The following CAB39 variants were observed in gnomAD, a reference collection of about 807,000 sequenced individuals.
CAB39 encodes the protein calcium binding protein 39, also known as calcium-binding protein 39.
CAB39 carries 8 observed loss-of-function variants against 40.0 expected under a neutral mutation model. The ratio of observed to expected loss-of-function variants is 0.20; its 90% confidence interval spans 0.12 to 0.36. The LOEUF (loss-of-function observed/expected upper bound fraction) is 0.36, where lower values mean the gene tolerates loss of function less well. Among genes scored for constraint, CAB39 ranks in the 10% least tolerant of loss-of-function variants. The probability of loss-of-function intolerance (pLI) is 1.00; values close to 1 mark genes in which losing one functional copy is unlikely to be tolerated. For synonymous variants in CAB39, 156 were observed against 141.6 expected, an observed-to-expected ratio of 1.10 and a Z score of -0.72; for missense variants, 270 against 401.1, an observed-to-expected ratio of 0.67 and a Z score of 2.79.
intron 1 of CAB39, among the ~76,000 whole-genome samples, chr2:230,721,463 A>G (rs912446981): frequency 1.3e-5 from 2 of 152,258 alleles, no homozygotes; most frequent in African/African-American, 2.4e-5. Context: ...CTTGCTTAAC[A>G]GAGATGAAAT....
At chr2:230,778,823 G>A (rs1312046986) in intron 2 of CAB39, among the ~76,000 whole-genome samples, 5 of 152,106 alleles carry the variant, frequency 3.3e-5, no homozygotes, top group Admixed American at 6.6e-5. Context: ...TTACTATAGC[G>A]AATACTGTAG....
intron 1 of CAB39, among the ~76,000 whole-genome samples, chr2:230,737,906 T>C (rs1694814586): frequency 6.6e-6 from 1 of 152,216 alleles, no homozygotes; most frequent in Non-Finnish European, 1.5e-5. Flanking sequence ...GGAATGTTCT[T>C]TGAGCAATAA....
Position 230,724,743 on chromosome 2 carries a change from C to T in CAB39, c.-44+11513C>T, listed in dbSNP as rs538264522. Among the ~76,000 whole-genome samples, 763 of 143,182 alleles carry T rather than the reference C, an allele frequency of 5.3e-3. 11 individuals carry two copies. Among genetic ancestry groups the T allele is most frequent in the African/African-American group, 0.019 (719 of 38,056 alleles). The allele number at this position is 143,182 out of a possible 152,430, so 93.9% of individuals were successfully genotyped here. A position where few individuals can be genotyped will look rare whatever the true frequency, so the allele number is the denominator to read the frequency against. On this transcript the variant is annotated intron_variant, in intron 1 of 8. Coordinates refer to ENST00000258418, the MANE Select transcript of CAB39 (RefSeq NM_016289.4). The stretch of plus-strand genomic sequence containing the variant: ...AAAAACCTCTATGAGTAGTTTACCT[C>T]GTTTAATCTTTTTTTTTTTTTTTTT...
At chr2:230,781,383 T>C (rs1217294584) in intron 2 of CAB39, among the ~76,000 whole-genome samples, 1 of 152,160 alleles carries the variant, frequency 6.6e-6, no homozygotes, top group Non-Finnish European at 1.5e-5. Flanking sequence ...CTGAGCTGCT[T>C]TGAAGTCGAA....
chr2:230,798,731 A>G lies in CAB39; in HGVS notation c.401A>G (p.Tyr134Cys), dbSNP rs1420121373. 3 of 1,581,686 alleles carry G rather than the reference A, an allele frequency of 1.9e-6. No individual in the cohort carries two copies. Among genetic ancestry groups the G allele is most frequent in the Non-Finnish European group, 1.7e-6 (2 of 1,161,074 alleles). ...QNILFMLLKG[Y>C]ESPEIALNCG... is the part of the protein sequence containing the mutation. Reference sequence around the variant, plus strand: ...TGTTTGGTTTTTTGTTTTTGCAGGTATGAATCTCCAGAAATAGCTCTAAAT... The same window carrying G: ...TGTTTGGTTTTTTGTTTTTGCAGGTGTGAATCTCCAGAAATAGCTCTAAAT... The change falls in exon 5 of 9, where the codon TAT becomes TGT. Residue 134 changes from tyrosine to cysteine, a missense_variant and splice_region_variant. Coordinates refer to ENST00000258418, the MANE Select transcript of CAB39 (RefSeq NM_016289.4).
intron 1 of CAB39, among the ~76,000 whole-genome samples, chr2:230,722,700 T>C (rs1322720740): frequency 1.3e-5 from 2 of 152,246 alleles, no homozygotes; most frequent in African/African-American, 4.8e-5. Flanking sequence ...AAGTGTCCAA[T>C]ACATTTTAGC....
chr2:230,760,046 T>G lies in CAB39; in HGVS notation c.45T>G (p.Ile15Met). ...AGTCTCACAAATCTCCAGCAGACAT[T>G]GTGAAGAATCTGAAGGAGAGCATGG... ...FGKSHKSPAD[I>M]VKNLKESMAV... The change falls in exon 2 of 9, where the codon ATT becomes ATG. Residue 15 changes from isoleucine (I) to methionine (M), a missense_variant. By Grantham distance (10) the Ile-to-Met change is conservative. Transcript: ENST00000258418. The G allele has an allele frequency of 6.2e-7, 1 of 1,613,902 alleles. No individual in the cohort carries two copies. Among genetic ancestry groups the G allele is most frequent in the Non-Finnish European group, 8.5e-7 (1 of 1,179,812 alleles).
At chr2:230,763,200 A>G (rs536497463) in intron 2 of CAB39, among the ~76,000 whole-genome samples, 3 of 152,320 alleles carry the variant, frequency 2.0e-5, no homozygotes, top group East Asian at 1.9e-4. Flanking sequence ...AGTTTTGAAA[A>G]TCTCCGTGTC....
intron 2 of CAB39, among the ~76,000 whole-genome samples, chr2:230,768,657 C>T (rs1030883620): frequency 6.6e-6 from 1 of 151,906 alleles, no homozygotes; most frequent in Non-Finnish European, 1.5e-5. Context: ...AAATTAGGCA[C>T]CAAAAACGGG....
At chr2:230,742,613 C>T (rs561124840) in intron 1 of CAB39, among the ~76,000 whole-genome samples, 6 of 149,170 alleles carry the variant, frequency 4.0e-5, no homozygotes, top group African/African-American at 1.2e-4. Context: ...CATAATTATT[C>T]GATATCCTAC....
chr2:230,728,397 C>T (rs1217420054), intron 1 of CAB39, among the ~76,000 whole-genome samples: 1 of 151,864 alleles, frequency 6.6e-6, no homozygotes, highest in Non-Finnish European at 1.5e-5. Flanking sequence ...TGCAACTCTT[C>T]CACCCAAGTT....
At chr2:230,803,735 G>C (rs140160096) in intron 5 of CAB39, among the ~76,000 whole-genome samples, 1 of 152,126 alleles carries the variant, frequency 6.6e-6, no homozygotes, top group Admixed American at 6.5e-5. Flanking sequence ...ACAAACCACT[G>C]CTCAACGAAA....
At chr2:230,758,297 C>CAAA (rs201939916) in intron 1 of CAB39, among the ~76,000 whole-genome samples, 761 of 73,402 alleles carry the variant, frequency 0.01, 16 homozygotes, top group African/African-American at 0.029. Context: ...AGCGAGACTC[C>CAAA]AAAAAAAAAA....
At chr2:230,720,556 T>G (rs1694430277) in intron 1 of CAB39, among the ~76,000 whole-genome samples, 1 of 152,046 alleles carries the variant, frequency 6.6e-6, no homozygotes. Flanking sequence ...CTACCTCAGC[T>G]TCCCGAGTAG....
intron 1 of CAB39, among the ~76,000 whole-genome samples, chr2:230,747,133 G>T (rs1309742969): frequency 1.3e-5 from 2 of 152,146 alleles, no homozygotes; most frequent in Non-Finnish European, 2.9e-5. Context: ...GCAGGTGCAG[G>T]AGAATCGCTT....
chr2:230,787,921 C>T (rs1017241881), intron 2 of CAB39, among the ~76,000 whole-genome samples: 1 of 152,174 alleles, frequency 6.6e-6, no homozygotes, highest in African/African-American at 2.4e-5. Flanking sequence ...ATGTTTGTCT[C>T]GTAAATTTGT....
chr2:230,719,321 G>C (rs1189451266), intron 1 of CAB39, among the ~76,000 whole-genome samples: 3 of 152,168 alleles, frequency 2.0e-5, no homozygotes, highest in African/African-American at 7.2e-5. Context: ...TTTGAACTCA[G>C]GTCTGCCTCA....
chr2:230,786,741 C>T (rs1695801252), intron 2 of CAB39, among the ~76,000 whole-genome samples: 1 of 152,136 alleles, frequency 6.6e-6, no homozygotes, highest in Non-Finnish European at 1.5e-5. Flanking sequence ...AATGCATTCA[C>T]AAAACCTATT....
In CAB39 at chr2:230,713,160, G is replaced by A. The variant is rs540980434; in HGVS notation, c.-114G>A. 6 of 152,432 alleles carry A rather than the reference G, an allele frequency of 3.9e-5. No homozygotes were observed. Among genetic ancestry groups the A allele is most frequent in the African/African-American group, 1.4e-4 (6 of 41,558 alleles). 9.4% of individuals were successfully genotyped at this position (152,432 alleles called of 1,614,324 possible). On this transcript the variant is annotated 5_prime_UTR_variant, in exon 1 of 9. Coordinates refer to ENST00000258418, the MANE Select transcript of CAB39 (RefSeq NM_016289.4). ...TCCGCGGGGACCGAACGAGCAGCCC[G>A]AAGCGGCGGCGGCCGAGGACGGGGA...
Sources: gnomAD v4.1 joint callset for allele counts (sites outside exome capture counted in the v4.1 genomes callset) on GRCh38, gnomAD v4.1.1 for gene constraint, MANE v1.5 for transcripts, NCBI Gene and HGNC (gene_info 2026-07-23, HGNC 2026-07-21) for gene names.